Variants in STPG2 observed in about 807,000 individuals in gnomAD.
The protein encoded by STPG2 is sperm tail PG-rich repeat containing 2.
STPG2 carries 56 observed loss-of-function variants against 54.2 expected under a neutral mutation model. The ratio of observed to expected loss-of-function variants is 1.03; its 90% CI spans 0.83 to 1.29. The LOEUF (loss-of-function observed/expected upper bound fraction) is 1.29. Among genes scored for constraint, STPG2 ranks in the 50% most tolerant of loss-of-function variants. The pLI, the probability that STPG2 is intolerant of heterozygous loss-of-function variation, is 0.00. For synonymous variants in STPG2, 200 were observed against 181.8 expected (o/e 1.10, Z -0.81); for missense variants, 596 against 544.9 (o/e 1.09, Z -0.93).
intron 9 of STPG2, among the ~76,000 whole-genome samples, chr4:97,804,357 T>TACTGATTA (rs1438791688): frequency 6.6e-6 from 1 of 152,112 alleles, no homozygotes; most frequent in Non-Finnish European, 1.5e-5. Flanking sequence ...CCTAGTGACA[T>TACTGATTA]ACTGATTATC....
At chr4:97,926,987 T>C (rs1732354399) in intron 8 of STPG2, among the ~76,000 whole-genome samples, 2 of 152,112 alleles carry the variant, frequency 1.3e-5, no homozygotes, top group African/African-American at 4.8e-5. Context: ...CAGGTACGTC[T>C]TGTTATCCTT....
intron 9 of STPG2, among the ~76,000 whole-genome samples, chr4:97,753,302 A>G (rs1725634439): frequency 6.6e-6 from 1 of 151,888 alleles, no homozygotes; most frequent in Non-Finnish European, 1.5e-5. Flanking sequence ...TGCCTATTCT[A>G]GGTACCTCAC....
At chr4:97,762,069 G>T (rs552921905) in intron 9 of STPG2, among the ~76,000 whole-genome samples, 1 of 152,084 alleles carries the variant, frequency 6.6e-6, no homozygotes, top group Non-Finnish European at 1.5e-5. Flanking sequence ...GAAAGGAAAA[G>T]AAAAGATTCT....
At chr4:97,484,932 C>A (rs1730316286) in intron 4 of STPG2, among the ~76,000 whole-genome samples, 1 of 151,728 alleles carries the variant, frequency 6.6e-6, no homozygotes, top group Non-Finnish European at 1.5e-5. Context: ...TGTGATACAC[C>A]ACATAAACAG....
intron 9 of STPG2, among the ~76,000 whole-genome samples, chr4:97,745,698 G>C (rs1208979077): frequency 6.6e-6 from 1 of 151,096 alleles, no homozygotes; most frequent in Non-Finnish European, 1.5e-5. Flanking sequence ...GTGCTATGCT[G>C]ATTTACATAG....
intron 4 of STPG2, among the ~76,000 whole-genome samples, chr4:97,491,702 T>C (rs1024531739): frequency 6.6e-6 from 1 of 151,010 alleles, no homozygotes; most frequent in African/African-American, 2.4e-5. Context: ...AGCTAAAGAG[T>C]GGTGCAAGTG....
intron 3 of STPG2, among the ~76,000 whole-genome samples, chr4:98,117,430 T>G (rs1031892225): frequency 6.6e-6 from 1 of 152,036 alleles, no homozygotes; most frequent in Non-Finnish European, 1.5e-5. Context: ...ACTTAGAGTT[T>G]GTTGAGCTTC....
At chr4:97,957,180 T>C (rs1192203962) in intron 7 of STPG2, among the ~76,000 whole-genome samples, 1 of 126,804 alleles carries the variant, frequency 7.9e-6, no homozygotes, top group East Asian at 3.1e-4. Context: ...ATGTGAAATA[T>C]ATATATGAAA....
intron 8 of STPG2, among the ~76,000 whole-genome samples, chr4:97,868,643 T>C (rs1224029051): frequency 4.0e-5 from 6 of 151,832 alleles, no homozygotes; most frequent in Non-Finnish European, 8.8e-5. Context: ...AGTGTACTCC[T>C]TTACATTTTC....
intron 9 of STPG2, among the ~76,000 whole-genome samples, chr4:97,785,452 C>G (rs927407964): frequency 6.6e-6 from 1 of 151,982 alleles, no homozygotes; most frequent in Non-Finnish European, 1.5e-5. Context: ...TAAGTTTCCC[C>G]AAGCATCTTC....
chr4:97,675,694 C>T (rs767127339), intron 10 of STPG2, among the ~76,000 whole-genome samples: 23 of 149,134 alleles, frequency 1.5e-4, no homozygotes, highest in African/African-American at 2.0e-4. Context: ...TGTGTGTGTG[C>T]GCGCGCGTGC....
chr4:97,540,195 T>C, intron 4 of STPG2, among the ~76,000 whole-genome samples: 1 of 152,116 alleles, frequency 6.6e-6, no homozygotes, highest in East Asian at 1.9e-4. Flanking sequence ...AGGTGGTTTT[T>C]TGAAAAGATC....
intron 8 of STPG2, among the ~76,000 whole-genome samples, chr4:97,889,991 T>C (rs758935665): frequency 2.0e-5 from 3 of 152,124 alleles, no homozygotes; most frequent in Non-Finnish European, 2.9e-5. Flanking sequence ...TTGAAATACA[T>C]TAGAAGATAA....
chr4:97,510,676 T>G (rs781276361), intron 4 of STPG2, among the ~76,000 whole-genome samples: 33 of 152,074 alleles, frequency 2.2e-4, no homozygotes, highest in Non-Finnish European at 3.4e-4. Context: ...ATTAGTTAGA[T>G]TCTCACAAGG....
intron 10 of STPG2, among the ~76,000 whole-genome samples, chr4:97,694,812 C>CAAAAAAAAAAA (rs70953083): frequency 1.4e-4 from 6 of 44,044 alleles, no homozygotes; most frequent in Non-Finnish European, 2.6e-4. Flanking sequence ...GACTCTGTCA[C>CAAAAAAAAAAA]AAAAAAAAAA....
chr4:98,103,360 G>A (rs1578855847), intron 5 of STPG2, among the ~76,000 whole-genome samples: 1 of 151,668 alleles, frequency 6.6e-6, no homozygotes, highest in Non-Finnish European at 1.5e-5. Flanking sequence ...AATATTTCAG[G>A]GCTGGGCGTG....
At chr4:97,503,803 T>A (rs1434520420) in intron 4 of STPG2, among the ~76,000 whole-genome samples, 2 of 139,918 alleles carry the variant, frequency 1.4e-5, no homozygotes, top group African/African-American at 5.2e-5. Context: ...AAATATATTT[T>A]AAAAATATAT....
intron 4 of STPG2, among the ~76,000 whole-genome samples, chr4:97,474,517 A>G (rs1455965729): frequency 6.6e-6 from 1 of 152,118 alleles, no homozygotes; most frequent in African/African-American, 2.4e-5. Context: ...TTTTTCTACA[A>G]TATACTCACT....
At chr4:97,883,222 T>C (rs907959961) in intron 8 of STPG2, among the ~76,000 whole-genome samples, 5 of 151,386 alleles carry the variant, frequency 3.3e-5, no homozygotes, top group East Asian at 1.9e-4. Context: ...CATACATATA[T>C]GTATATATTT....
Sources: allele counts gnomAD v4.1 joint callset (sites outside exome capture counted in the v4.1 genomes callset), GRCh38; gene constraint gnomAD v4.1.1; transcripts MANE v1.5; gene names NCBI Gene and HGNC (gene_info 2026-07-23, HGNC 2026-07-21).